SDK1: variants seen among roughly 807,000 people sequenced by gnomAD.
The protein encoded by SDK1 is protein sidekick-1.
In SDK1, 157 loss-of-function variants were observed where a neutral mutation model predicts 245.5. The observed-to-expected ratio is 0.64, with a 90% CI of 0.56 to 0.73. SDK1 has a LOEUF of 0.73. Among genes scored for constraint, SDK1 ranks in the 30% least tolerant of loss-of-function variants. The probability of loss-of-function intolerance (pLI) is 0.00; values close to 1 mark genes in which losing one functional copy is unlikely to be tolerated. For missense variants in SDK1, 3,583 were observed against 3,002.3 expected (o/e 1.19, Z -4.52); for synonymous variants, 1,647 against 1,278.5 (o/e 1.29, Z -6.15).
Position 3,483,866 on chromosome 7 carries a change from C to T in SDK1, c.299-135214C>T, listed in dbSNP as rs188891000. ...TTTATCATTAAAATGTTTATATATA[C>T]GTTGGATAAGCTCTACATGGCCATA... is the stretch of plus-strand genomic sequence containing the variant. On this transcript the variant is annotated intron_variant, in intron 1 of 44. Coordinates refer to ENST00000404826, the MANE Select transcript of SDK1 (RefSeq NM_152744.4). Among the ~76,000 whole-genome samples, 22 of 152,056 alleles carry T rather than the reference C, an allele frequency of 1.4e-4. No homozygotes were observed. The East Asian group carries it at 2.9e-3, about 20-fold the overall frequency.
chr7:3,734,654 C>G (rs528935725), intron 4 of SDK1, among the ~76,000 whole-genome samples: 2 of 152,168 alleles, frequency 1.3e-5, no homozygotes, highest in Non-Finnish European at 2.9e-5. Flanking sequence ...AATTAAACCC[C>G]GGTTCTTTTC....
Position 4,169,504 on chromosome 7 carries a change from C to T in SDK1, c.4801-4718C>T, listed in dbSNP as rs117107931. Among the ~76,000 whole-genome samples, 804 of 152,334 alleles carry T rather than the reference C, an allele frequency of 5.3e-3. 4 individuals are homozygous for T. Among genetic ancestry groups the T allele is most frequent in the Non-Finnish European group, 9.5e-3 (644 of 68,030 alleles). On this transcript the variant is annotated intron_variant, in intron 32 of 44. Transcript: ENST00000404826. ...CCTCCTCCTCCAAGGGCAGCTCAAA[C>T]GCCATTCCCTGCAGTTATCCTCCAG...
intron 44 of SDK1, among the ~76,000 whole-genome samples, chr7:4,263,220 C>T (rs1382741126): frequency 8.7e-6 from 1 of 115,248 alleles, no homozygotes; most frequent in Non-Finnish European, 1.8e-5. Flanking sequence ...TGGTCACCTC[C>T]AGAATCCTTT....
chr7:3,830,386 C>T (rs1480950174), intron 5 of SDK1, among the ~76,000 whole-genome samples: 3 of 152,140 alleles, frequency 2.0e-5, no homozygotes, highest in Non-Finnish European at 2.9e-5. Flanking sequence ...CCCTTCTGTC[C>T]CCTTGTTAAA....
At chr7:4,045,591 A>AC (rs1469524636) in intron 17 of SDK1, among the ~76,000 whole-genome samples, 2 of 152,038 alleles carry the variant, frequency 1.3e-5, no homozygotes, top group Non-Finnish European at 2.9e-5. Flanking sequence ...GTGCACAGTT[A>AC]CCCGGGGGCA....
At chr7:4,257,698 C>A (rs142234431) in intron 44 of SDK1, among the ~76,000 whole-genome samples, 50 of 152,316 alleles carry the variant, frequency 3.3e-4, no homozygotes, top group African/African-American at 8.9e-4. Flanking sequence ...CTGCTTCTTT[C>A]TGTACAATGG....
intron 5 of SDK1, among the ~76,000 whole-genome samples, chr7:3,855,890 C>G (rs900531673): frequency 3.9e-5 from 6 of 152,152 alleles, no homozygotes; most frequent in African/African-American, 1.4e-4. Context: ...CTTTTTCAGA[C>G]ATTCACAGTC....
At chr7:3,484,052 G>A (rs1781600426) in intron 1 of SDK1, among the ~76,000 whole-genome samples, 4 of 152,186 alleles carry the variant, frequency 2.6e-5, no homozygotes, top group Admixed American at 2.6e-4. Context: ...TCATTTCTGT[G>A]TGTTGGGGAT....
At chr7:3,367,980 A>G (rs1186147004) in intron 1 of SDK1, among the ~76,000 whole-genome samples, 1 of 152,232 alleles carries the variant, frequency 6.6e-6, no homozygotes, top group Non-Finnish European at 1.5e-5. Context: ...CCCTGTAAGG[A>G]TGAACATTGC....
rs1785913429 is a variant in SDK1 at position 4,233,264 on chromosome 7, T to C, written c.5837T>C (p.Leu1946Ser). The C allele has an allele frequency of 6.2e-7, 1 of 1,613,588 alleles. No individual in the cohort carries two copies. Among genetic ancestry groups the C allele is most frequent in the East Asian group, 2.2e-5 (1 of 44,878 alleles). ...CCCATCCCTCTTGCAGATGAAGGCT[T>C]ATGGGACATGTTTGTGAAGGACATC... is the stretch of plus-strand genomic sequence containing the variant. ...VIEARPSDEG[L>S]WDMFVKDIPR... Residue 1946 changes from leucine to serine, a missense_variant, in exon 41 of 45, where the codon TTA becomes TCA. Physicochemically the swap from Leu to Ser is moderately radical, Grantham distance 145. Coordinates refer to ENST00000404826, the MANE Select transcript of SDK1 (RefSeq NM_152744.4).
chr7:3,889,665 G>A (rs1288206413), intron 5 of SDK1, among the ~76,000 whole-genome samples: 2 of 152,080 alleles, frequency 1.3e-5, no homozygotes, highest in African/African-American at 4.8e-5. Flanking sequence ...CCGCCACCTC[G>A]CCTGGCTAAT....
At chr7:3,934,009 TAACA>T (rs926967736) in intron 5 of SDK1, among the ~76,000 whole-genome samples, 1 of 152,170 alleles carries the variant, frequency 6.6e-6, no homozygotes, top group African/African-American at 2.4e-5. Context: ...CTTCAAAATG[TAACA>T]AACAGTCCTG....
At chr7:4,139,705 ATGTGTGTGTGTGTGTATGTGTGTG>A (rs1562872819) in intron 28 of SDK1, among the ~76,000 whole-genome samples, 6 of 111,952 alleles carry the variant, frequency 5.4e-5, no homozygotes, top group Middle Eastern at 5.6e-3. Flanking sequence ...GTGTGTGTGT[ATGTGTGTGTGTGTGTATGTGTGTG>A]TGTGTGTATG....
chr7:3,602,386 G>T (rs1390125356), intron 1 of SDK1, among the ~76,000 whole-genome samples: 4 of 151,862 alleles, frequency 2.6e-5, no homozygotes, highest in Non-Finnish European at 5.9e-5. Flanking sequence ...GGTGTGAGAT[G>T]GTATCTCATA....
intron 1 of SDK1, among the ~76,000 whole-genome samples, chr7:3,421,453 C>T (rs914451890): frequency 2.6e-5 from 4 of 152,032 alleles, no homozygotes; most frequent in African/African-American, 9.7e-5. Flanking sequence ...ATTACCAAAG[C>T]CTTTTAAAAC....
At chr7:3,816,609 T>A (rs1242326859) in intron 4 of SDK1, among the ~76,000 whole-genome samples, 1 of 151,936 alleles carries the variant, frequency 6.6e-6, no homozygotes, top group Admixed American at 6.6e-5. Context: ...AATCAATAGT[T>A]TACCAACCAA....
At chr7:3,328,658 T>G (rs1300629726) in intron 1 of SDK1, among the ~76,000 whole-genome samples, 2 of 152,136 alleles carry the variant, frequency 1.3e-5, no homozygotes, top group Non-Finnish European at 2.9e-5. Context: ...TATGTTAGTA[T>G]ATATTTCAAA....
chr7:4,216,036 C>A (rs946980042), intron 38 of SDK1, among the ~76,000 whole-genome samples: 1 of 152,196 alleles, frequency 6.6e-6, no homozygotes, highest in Non-Finnish European at 1.5e-5. Flanking sequence ...TCTGCAGATA[C>A]CACAACCGGC....
chr7:3,332,536 GTCTGTTA>G (rs1454058900), intron 1 of SDK1, among the ~76,000 whole-genome samples: 1 of 152,102 alleles, frequency 6.6e-6, no homozygotes, highest in Non-Finnish European at 1.5e-5. Flanking sequence ...TGATAATGGA[GTCTGTTA>G]TCTATTTGGA....
Sources: gnomAD v4.1 joint callset for allele counts (sites outside exome capture counted in the v4.1 genomes callset) on GRCh38, gnomAD v4.1.1 for gene constraint, MANE v1.5 for transcripts, NCBI Gene and HGNC (gene_info 2026-07-23, HGNC 2026-07-21) for gene names.